PTPRD: variants seen among roughly 807,000 people sequenced by gnomAD.
The protein encoded by PTPRD is protein tyrosine phosphatase receptor type D, also known as receptor-type tyrosine-protein phosphatase delta.
A neutral mutation model predicts 214.5 loss-of-function variants in PTPRD; 34 were observed. That is an observed-to-expected ratio of 0.16 (90% CI 0.12 to 0.21). The LOEUF (loss-of-function observed/expected upper bound fraction) is 0.21, where lower values mean the gene tolerates loss of function less well. Ranked by LOEUF, PTPRD falls within the 10% of genes least tolerant of loss-of-function variation. The probability of loss-of-function intolerance (pLI) is 1.00; values close to 1 mark genes in which losing one functional copy is unlikely to be tolerated. For missense variants in PTPRD, 2,545 were observed against 2,398.7 expected, an observed-to-expected ratio of 1.06 and a Z score of -1.27; for synonymous variants, 1,128 against 845.7, an observed-to-expected ratio of 1.33 and a Z score of -5.79.
intron 10 of PTPRD, among the ~76,000 whole-genome samples, chr9:9,151,556 T>C (rs2099876787): frequency 1.3e-5 from 2 of 152,290 alleles, no homozygotes; most frequent in South Asian, 4.1e-4. Flanking sequence ...AATTTAAAAA[T>C]TTGAAATGGT....
chr9:9,019,346 A>AAGAG (rs377379871), intron 10 of PTPRD, among the ~76,000 whole-genome samples: 14 of 134,430 alleles, frequency 1.0e-4, no homozygotes, highest in African/African-American at 4.0e-4. Flanking sequence ...GAACGAAAGA[A>AAGAG]AGAAAGAAAG....
intron 14 of PTPRD, among the ~76,000 whole-genome samples, chr9:8,568,920 C>A (rs568683576): frequency 6.6e-6 from 1 of 152,056 alleles, no homozygotes; most frequent in South Asian, 2.1e-4. Flanking sequence ...TAGCACAAAT[C>A]TAATGCTTCA....
chr9:10,609,125 T>A (rs1440846711), intron 2 of PTPRD, among the ~76,000 whole-genome samples: 2 of 152,056 alleles, frequency 1.3e-5, no homozygotes, highest in Non-Finnish European at 2.9e-5. Context: ...AGCCCAAAAA[T>A]ATGTAACTGA....
At chr9:9,819,109 T>A (rs1457981964) in intron 5 of PTPRD, among the ~76,000 whole-genome samples, 1 of 152,072 alleles carries the variant, frequency 6.6e-6, no homozygotes, top group Non-Finnish European at 1.5e-5. Context: ...CACATCATGA[T>A]CTACTGAGCT....
chr9:8,468,859 G>T (rs1316923486), intron 31 of PTPRD, among the ~76,000 whole-genome samples: 1 of 150,046 alleles, frequency 6.7e-6, no homozygotes, highest in East Asian at 2.0e-4. Flanking sequence ...AGCATAAAGT[G>T]AGGCCATAGC....
intron 11 of PTPRD, among the ~76,000 whole-genome samples, chr9:8,940,645 T>A (rs1474242922): frequency 6.6e-6 from 1 of 151,858 alleles, no homozygotes; most frequent in African/African-American, 2.4e-5. Context: ...TGACCCTAAA[T>A]TAGGAATTTT....
intron 8 of PTPRD, among the ~76,000 whole-genome samples, chr9:9,525,814 CTT>C (rs1199877995): frequency 4.8e-5 from 7 of 145,378 alleles, no homozygotes; most frequent in African/African-American, 7.5e-5. Flanking sequence ...CCTTTGTAAA[CTT>C]TTTTTTTTTT....
intron 7 of PTPRD, among the ~76,000 whole-genome samples, chr9:9,674,276 T>C (rs1457573976): frequency 1.3e-5 from 2 of 151,814 alleles, no homozygotes; most frequent in South Asian, 2.1e-4. Flanking sequence ...TAATATTAAC[T>C]TTAAACTTTG....
intron 3 of PTPRD, among the ~76,000 whole-genome samples, chr9:10,061,565 G>A (rs1423718836): frequency 1.3e-5 from 2 of 151,974 alleles, no homozygotes; most frequent in Admixed American, 1.3e-4. Flanking sequence ...AGTCTAGAGT[G>A]AATCTTATAT....
At chr9:9,218,251 A>AT (rs1341963295) in intron 9 of PTPRD, among the ~76,000 whole-genome samples, 1 of 151,910 alleles carries the variant, frequency 6.6e-6, no homozygotes, top group African/African-American at 2.4e-5. Context: ...TTCTCTTTAT[A>AT]TTTTTCTAAT....
At chr9:10,306,298 T>A (rs974429750) in intron 3 of PTPRD, among the ~76,000 whole-genome samples, 1 of 151,582 alleles carries the variant, frequency 6.6e-6, no homozygotes, top group Non-Finnish European at 1.5e-5. Flanking sequence ...AGGGGAGGGA[T>A]AGCATTAGGA....
intron 12 of PTPRD, among the ~76,000 whole-genome samples, chr9:8,680,306 C>T (rs1652634401): frequency 6.6e-6 from 1 of 152,142 alleles, no homozygotes; most frequent in South Asian, 2.1e-4. Context: ...TCCTTGAAAG[C>T]TAATTAAAAT....
At chr9:9,122,456 C>CTT (rs912829762) in intron 10 of PTPRD, among the ~76,000 whole-genome samples, 18 of 152,056 alleles carry the variant, frequency 1.2e-4, no homozygotes, top group Non-Finnish European at 2.2e-4. Context: ...CAGAATTAGC[C>CTT]TAAATCTGAA....
At chr9:9,739,633 A>G (rs1236949576) in intron 6 of PTPRD, among the ~76,000 whole-genome samples, 1 of 151,898 alleles carries the variant, frequency 6.6e-6, no homozygotes, top group African/African-American at 2.4e-5. Flanking sequence ...TTATTTAAAA[A>G]AAAAAGCCAG....
chr9:8,360,549 AG>A (rs2078216757), intron 39 of PTPRD, among the ~76,000 whole-genome samples: 1 of 152,202 alleles, frequency 6.6e-6, no homozygotes, highest in South Asian at 2.1e-4. Context: ...TGATTGCTTT[AG>A]ATCTCTTCAT....
At chr9:10,386,020 T>C (rs1045542563) in intron 2 of PTPRD, among the ~76,000 whole-genome samples, 2 of 151,886 alleles carry the variant, frequency 1.3e-5, no homozygotes, top group Non-Finnish European at 2.9e-5. Flanking sequence ...ATTTTTTTTC[T>C]TTAAAAGAAA....
intron 5 of PTPRD, among the ~76,000 whole-genome samples, chr9:9,918,362 A>AAC (rs1555333304): frequency 1.3e-5 from 2 of 150,402 alleles, no homozygotes; most frequent in South Asian, 2.1e-4. Flanking sequence ...AAAAAAAAAA[A>AAC]AAAAAAAACT....
chr9:8,914,421 T>C (rs1237174452), intron 11 of PTPRD, among the ~76,000 whole-genome samples: 2 of 152,132 alleles, frequency 1.3e-5, no homozygotes, highest in East Asian at 1.9e-4. Flanking sequence ...TCATAAAGGA[T>C]TGCAGAACTG....
chr9:10,219,010 C>A (rs2099554075), intron 3 of PTPRD, among the ~76,000 whole-genome samples: 1 of 151,622 alleles, frequency 6.6e-6, no homozygotes, highest in South Asian at 2.1e-4. Context: ...TAACATTGAG[C>A]TAAAAACAAA....
Sources: allele counts gnomAD v4.1 joint callset (sites outside exome capture counted in the v4.1 genomes callset), GRCh38; gene constraint gnomAD v4.1.1; transcripts MANE v1.5; gene names NCBI Gene and HGNC (gene_info 2026-07-23, HGNC 2026-07-21).